Variants in ZNF385D observed in about 807,000 individuals in gnomAD.
ZNF385D encodes the protein zinc finger protein 385D, also known as zinc finger protein 659.
In ZNF385D, 15 loss-of-function variants were observed where a neutral mutation model predicts 35.8. That is an observed-to-expected ratio of 0.42 (90% CI 0.28 to 0.64). The LOEUF is 0.64. Among genes scored for constraint, ZNF385D ranks in the 30% least tolerant of loss-of-function variants. The probability of loss-of-function intolerance (pLI) is 0.23; values close to 1 mark genes in which losing one functional copy is unlikely to be tolerated. For missense variants in ZNF385D, 474 were observed against 494.6 expected (o/e 0.96, Z 0.39); for synonymous variants, 212 against 186.8 (o/e 1.13, Z -1.10).
chr3:21,636,646 T>C (rs1248400771), intron 2 of ZNF385D, among the ~76,000 whole-genome samples: 1 of 151,684 alleles, frequency 6.6e-6, no homozygotes, highest in East Asian at 2.0e-4. Context: ...CACTGGCAGC[T>C]GATTAGATTG....
chr3:21,912,319 C>A (rs532906695), intron 3 of ZNF385D, among the ~76,000 whole-genome samples: 44 of 152,132 alleles, frequency 2.9e-4, no homozygotes, highest in African/African-American at 1.0e-3. Context: ...ATAAATTTAG[C>A]TTTACTTCAT....
At chr3:21,924,072 TA>T (rs1700606842) in intron 3 of ZNF385D, among the ~76,000 whole-genome samples, 2 of 152,158 alleles carry the variant, frequency 1.3e-5, no homozygotes, top group African/African-American at 4.8e-5. Flanking sequence ...CCAGAGCACA[TA>T]ATCAATGAGA....
At chr3:22,197,801 C>T (rs958608864) in intron 2 of ZNF385D, among the ~76,000 whole-genome samples, 1 of 152,098 alleles carries the variant, frequency 6.6e-6, no homozygotes, top group African/African-American at 2.4e-5. Flanking sequence ...TGAACAAAAG[C>T]TGCTTAAAAT....
chr3:22,098,212 C>G (rs1169520266), intron 3 of ZNF385D, among the ~76,000 whole-genome samples: 1 of 152,004 alleles, frequency 6.6e-6, no homozygotes, highest in Non-Finnish European at 1.5e-5. Context: ...GATTTTCAAC[C>G]TTGCATCATG....
intron 3 of ZNF385D, among the ~76,000 whole-genome samples, chr3:21,926,731 T>C (rs1200817431): frequency 1.3e-5 from 2 of 152,176 alleles, no homozygotes; most frequent in South Asian, 2.1e-4. Context: ...ATTCAGGGCA[T>C]AGGCATGGGC....
rs373754866 is a variant in ZNF385D, at chr3:21,598,759, T to C, written c.166-34075A>G. On this transcript the variant is annotated intron_variant, in intron 2 of 7. Transcript: ENST00000281523. ...TGAGGACTTGATATGGGAATGCTAATTTCTAACACAAAACACCCAATGAGT... is the reference window on the plus strand; with the variant it reads ...TGAGGACTTGATATGGGAATGCTAACTTCTAACACAAAACACCCAATGAGT... Among the ~76,000 whole-genome samples the C allele has an allele frequency of 4.6e-5, 7 of 152,332 alleles. 1 individual carries two copies. The highest frequency in any genetic ancestry group is 1.7e-4 in the African/African-American group (7 of 41,586).
At chr3:21,814,599 A>G (rs2073069142) in intron 3 of ZNF385D, among the ~76,000 whole-genome samples, 1 of 152,196 alleles carries the variant, frequency 6.6e-6, no homozygotes, top group Non-Finnish European at 1.5e-5. Context: ...CCATTACATA[A>G]TGGTAAAGGG....
intron 3 of ZNF385D, among the ~76,000 whole-genome samples, chr3:22,136,158 T>C (rs1446239691): frequency 1.3e-5 from 2 of 152,186 alleles, no homozygotes; most frequent in East Asian, 1.9e-4. Flanking sequence ...CCAAGGCGGA[T>C]GGATCGCCTG....
At chr3:21,881,962 A>G (rs1308937842) in intron 3 of ZNF385D, among the ~76,000 whole-genome samples, 1 of 152,054 alleles carries the variant, frequency 6.6e-6, no homozygotes, top group African/African-American at 2.4e-5. Context: ...GAGTTGTTGC[A>G]ATCTCAAAAT....
intron 3 of ZNF385D, among the ~76,000 whole-genome samples, chr3:21,535,937 TAGAC>T (rs898103421): frequency 6.6e-6 from 1 of 151,848 alleles, no homozygotes; most frequent in African/African-American, 2.4e-5. Flanking sequence ...GAGTCTGTGG[TAGAC>T]AGAGTGGGGC....
chr3:21,491,512 A>C (rs62235558), intron 4 of ZNF385D, among the ~76,000 whole-genome samples: 232 of 152,268 alleles, frequency 1.5e-3, no homozygotes, highest in Non-Finnish European at 2.4e-3. Context: ...TAAATGATAG[A>C]GTTTTTTCAC....
At chr3:22,365,345 A>T (rs2125519039) in intron 2 of ZNF385D, among the ~76,000 whole-genome samples, 1 of 152,206 alleles carries the variant, frequency 6.6e-6, no homozygotes, top group East Asian at 1.9e-4. Flanking sequence ...TAAGAAAAAA[A>T]ATTGAAAAAC....
intron 3 of ZNF385D, among the ~76,000 whole-genome samples, chr3:22,147,394 G>A (rs1310947333): frequency 1.3e-5 from 2 of 152,102 alleles, no homozygotes; most frequent in Non-Finnish European, 2.9e-5. Flanking sequence ...ATTGGCCATA[G>A]CCCAAATCAG....
At chr3:21,651,512 ATTTT>A (rs945124026) in intron 2 of ZNF385D, among the ~76,000 whole-genome samples, 1 of 146,696 alleles carries the variant, frequency 6.8e-6, no homozygotes, top group African/African-American at 2.5e-5. Flanking sequence ...GCAATGTGGT[ATTTT>A]TTTTTTCTTT....
chr3:21,651,985 C>G (rs982028783), intron 2 of ZNF385D, among the ~76,000 whole-genome samples: 3 of 152,094 alleles, frequency 2.0e-5, no homozygotes, highest in Admixed American at 2.0e-4. Context: ...AAACTTGATG[C>G]CAGTTAGAAC....
intron 3 of ZNF385D, among the ~76,000 whole-genome samples, chr3:21,757,242 G>C (rs576586753): frequency 6.7e-6 from 1 of 149,876 alleles, no homozygotes; most frequent in African/African-American, 2.4e-5. Flanking sequence ...AGCGATTCTC[G>C]TGCCTCAGCC....
intron 3 of ZNF385D, among the ~76,000 whole-genome samples, chr3:21,897,867 A>C (rs567505163): frequency 1.3e-5 from 2 of 152,312 alleles, no homozygotes; most frequent in African/African-American, 4.8e-5. Context: ...TGTATCGAAA[A>C]GAAGACAGCT....
chr3:22,060,709 A>G (rs1047662793), intron 3 of ZNF385D, among the ~76,000 whole-genome samples: 2 of 152,112 alleles, frequency 1.3e-5, no homozygotes, highest in Non-Finnish European at 2.9e-5. Context: ...ATTAAAATTA[A>G]AGATATATAA....
chr3:22,215,569 G>C (rs917257146), intron 2 of ZNF385D, among the ~76,000 whole-genome samples: 1 of 151,910 alleles, frequency 6.6e-6, no homozygotes, highest in Non-Finnish European at 1.5e-5. Context: ...AGTCAGACTG[G>C]TTGTCTGCTC....
Sources: allele counts gnomAD v4.1 joint callset (sites outside exome capture counted in the v4.1 genomes callset), GRCh38; gene constraint gnomAD v4.1.1; transcripts MANE v1.5; gene names NCBI Gene and HGNC (gene_info 2026-07-23, HGNC 2026-07-21).